Variants in TNR observed in about 807,000 individuals in gnomAD.
TNR encodes the protein tenascin R, also known as tenascin-R.
A neutral mutation model predicts 150.4 loss-of-function variants in TNR; 45 were observed. That is an observed-to-expected ratio of 0.30 (90% confidence interval 0.24 to 0.38). TNR has a LOEUF of 0.38. Ranked by LOEUF, TNR falls within the 10% of genes least tolerant of loss-of-function variation. TNR has a pLI of 1.00. For synonymous variants in TNR, 687 were observed against 678.4 expected (o/e 1.01, Z -0.20); for missense variants, 1,544 against 1,759.1 (o/e 0.88, Z 2.19).
chr1:175,611,056 G>A (rs1037979394), intron 1 of TNR, among the ~76,000 whole-genome samples: 3 of 152,112 alleles, frequency 2.0e-5, no homozygotes, highest in African/African-American at 7.2e-5. Flanking sequence ...ACCTCTTGAT[G>A]TTTCTGTGAA....
At chr1:175,586,769 A>G (rs774513240) in intron 1 of TNR, among the ~76,000 whole-genome samples, 5 of 152,234 alleles carry the variant, frequency 3.3e-5, no homozygotes, top group Non-Finnish European at 5.9e-5. Context: ...GATATTGGTC[A>G]TGGTACTGAG....
At chr1:175,561,297 A>G (rs1371952311) in intron 1 of TNR, among the ~76,000 whole-genome samples, 2 of 152,136 alleles carry the variant, frequency 1.3e-5, no homozygotes, top group African/African-American at 2.4e-5. Context: ...TTTCTCTCCT[A>G]TCTCTTCAGA....
chr1:175,663,790 T>C (rs1408105157), intron 1 of TNR, among the ~76,000 whole-genome samples: 1 of 152,162 alleles, frequency 6.6e-6, no homozygotes, highest in Non-Finnish European at 1.5e-5. Flanking sequence ...AGGGAGCAGA[T>C]GAAAGACCAA....
At chr1:175,438,516 A>C (rs1249668514) in intron 2 of TNR, among the ~76,000 whole-genome samples, 9 of 152,154 alleles carry the variant, frequency 5.9e-5, no homozygotes, top group Admixed American at 1.3e-4. Context: ...ATAGTGTTGG[A>C]AGTTCTGGCC....
At chr1:175,695,534 A>G (rs566692620) in intron 1 of TNR, among the ~76,000 whole-genome samples, 9 of 152,202 alleles carry the variant, frequency 5.9e-5, no homozygotes, top group Non-Finnish European at 1.0e-4. Flanking sequence ...GTTTGAGTCT[A>G]TTCTTCTAGG....
chr1:175,468,226 G>A (rs901818123), intron 2 of TNR, among the ~76,000 whole-genome samples: 2 of 152,184 alleles, frequency 1.3e-5, no homozygotes, highest in South Asian at 2.1e-4. Context: ...GGCATGGGAT[G>A]GAGTGTAGAT....
At chr1:175,507,680 C>T (rs1659016524) in intron 2 of TNR, among the ~76,000 whole-genome samples, 2 of 152,154 alleles carry the variant, frequency 1.3e-5, no homozygotes, top group Admixed American at 1.3e-4. Context: ...TAATGAACTC[C>T]TACATATCCT....
At chr1:175,670,711 G>A (rs1665672656) in intron 1 of TNR, among the ~76,000 whole-genome samples, 1 of 152,170 alleles carries the variant, frequency 6.6e-6, no homozygotes, top group Non-Finnish European at 1.5e-5. Context: ...ATAAAGTTAG[G>A]AAAGAGCATG....
At position 175,541,030 on chromosome 1, in the gene TNR, G is replaced by T. The variant is rs75945688; in HGVS notation, c.-164-12661C>A. 7.1e-3 allele frequency among the ~76,000 whole-genome samples: 1,078 copies of T among 151,764 alleles called. 13 individuals are homozygous for T. The highest frequency in any genetic ancestry group is 0.025 in the African/African-American group (1,026 of 41,374). ...CTGCATACATATTCCCTATCCCCAG[G>T]CTTGCTCACCCTGGACATTTGCATC... On this transcript the variant is annotated intron_variant, in intron 1 of 22. Transcript: ENST00000367674.
chr1:175,508,045 G>T (rs1048219068), intron 2 of TNR, among the ~76,000 whole-genome samples: 2 of 152,152 alleles, frequency 1.3e-5, no homozygotes, highest in Non-Finnish European at 2.9e-5. Flanking sequence ...TCACTTGTAA[G>T]TGGGAGTTGA....
rs1220692943 is a variant in TNR, at chr1:175,379,711, C to A, written c.1804G>T (p.Val602Phe). 1.2e-6 allele frequency: 2 copies of A among 1,614,208 alleles called. No individual in the cohort carries two copies. The highest frequency in any genetic ancestry group is 3.3e-4 in the Middle Eastern group (2 of 6,062). ...AGGCTGGTTGCTGTGCGAGAACCAA[C>A]TCGCAAGTTCTTGGGGGCATCGATC... ...TEIDAPKNLR[V>F]GSRTATSLDL... The change falls in exon 9 of 23, where the codon GTT becomes TTT. Residue 602 changes from valine to phenylalanine, a missense_variant. Val to Phe is a conservative substitution (Grantham distance 50). Transcript: ENST00000367674.
intron 1 of TNR, among the ~76,000 whole-genome samples, chr1:175,729,596 T>C (rs961669693): frequency 4.6e-5 from 7 of 152,126 alleles, no homozygotes; most frequent in African/African-American, 1.7e-4. Flanking sequence ...CCTAGTCTCT[T>C]CCTTCCTCCC....
Position 175,547,718 on chromosome 1 carries a change from G to C in TNR, c.-164-19349C>G, listed in dbSNP as rs540947101. Among the ~76,000 whole-genome samples, 4 of 152,222 alleles carry C rather than the reference G, an allele frequency of 2.6e-5. No individual in the cohort carries two copies. In the South Asian group the frequency reaches 8.3e-4, roughly 32 times the overall value. Reference sequence around the variant, plus strand: ...AAAAGAAAGAGAAAAGAAAGAAAAGGGTGCTCTAGACAGAAGGAGAAGCAT... The same window carrying C: ...AAAAGAAAGAGAAAAGAAAGAAAAGCGTGCTCTAGACAGAAGGAGAAGCAT... On this transcript the variant is annotated intron_variant, in intron 1 of 22. Transcript: ENST00000367674.
intron 2 of TNR, among the ~76,000 whole-genome samples, chr1:175,431,484 C>T (rs1655256568): frequency 6.6e-6 from 1 of 152,062 alleles, no homozygotes; most frequent in African/African-American, 2.4e-5. Flanking sequence ...AGGTGAGATC[C>T]CCACCTTTTT....
At chr1:175,726,188 G>T (rs1169936615) in intron 1 of TNR, among the ~76,000 whole-genome samples, 1 of 152,110 alleles carries the variant, frequency 6.6e-6, no homozygotes, top group African/African-American at 2.4e-5. Flanking sequence ...ACATCTCAAA[G>T]ATTACACAGA....
chr1:175,486,184 T>C (rs1658003760), intron 2 of TNR, among the ~76,000 whole-genome samples: 1 of 152,090 alleles, frequency 6.6e-6, no homozygotes, highest in Non-Finnish European at 1.5e-5. Context: ...TGCAGGTTTG[T>C]TGCATCGGTA....
In TNR at chr1:175,648,542, A is replaced by G. The variant is rs146661041; in HGVS notation, c.-165+94684T>C. ...TAGTTCTCACCATTTCAGATTGTCT[A>G]TCTCTGAGAAGGGAGTGCCTCACCC... On this transcript the variant is annotated intron_variant, in intron 1 of 22. Coordinates refer to ENST00000367674, the MANE Select transcript of TNR (RefSeq NM_003285.3). Among the ~76,000 whole-genome samples, 31 of 152,218 alleles carry G rather than the reference A, an allele frequency of 2.0e-4. No homozygotes were observed. In the East Asian group the frequency reaches 4.4e-3, roughly 22 times the overall value.
rs34347370 is a variant in TNR, at chr1:175,320,867, G to A, written c.*2490C>T. ...TAGTGAATTTTCATTACCTAATTGTGCTGTCCCACCATGCCAATTTCTACT... is the reference window on the plus strand; with the variant it reads ...TAGTGAATTTTCATTACCTAATTGTACTGTCCCACCATGCCAATTTCTACT... On this transcript the variant is annotated 3_prime_UTR_variant, in exon 23 of 23. Transcript: ENST00000367674. 7,217 of 143,424 alleles carry A rather than the reference G, an allele frequency of 0.05. 239 individuals are homozygous for A. Among genetic ancestry groups the A allele is most frequent in the Middle Eastern group, 0.19 (53 of 284 alleles). The allele number at this position is 143,424 out of a possible 1,614,324, so 8.9% of individuals were successfully genotyped here. A position where few individuals can be genotyped will look rare whatever the true frequency, so the allele number is the denominator to read the frequency against.
chr1:175,489,485 CGT>C (rs1211189135), intron 2 of TNR, among the ~76,000 whole-genome samples: 12 of 152,172 alleles, frequency 7.9e-5, no homozygotes, highest in Non-Finnish European at 2.9e-5. Context: ...AGCTGGACAG[CGT>C]GTGATTTCCT....
Sources: allele counts gnomAD v4.1 joint callset (sites outside exome capture counted in the v4.1 genomes callset), GRCh38; gene constraint gnomAD v4.1.1; transcripts MANE v1.5; gene names NCBI Gene and HGNC (gene_info 2026-07-23, HGNC 2026-07-21).